The following CEP170 variants were observed in gnomAD, a reference collection of about 807,000 sequenced individuals.
CEP170 encodes centrosomal protein 170.
In CEP170, 21 loss-of-function variants were observed where a neutral mutation model predicts 151.9. That is an observed-to-expected ratio of 0.14 (90% CI 0.10 to 0.20). CEP170 has a LOEUF of 0.20. Among genes scored for constraint, CEP170 ranks in the 10% least tolerant of loss-of-function variants. CEP170 has a pLI of 1.00. For missense variants in CEP170, 964 were observed against 1,892.9 expected (o/e 0.51, Z 9.11); for synonymous variants, 356 against 648.8 (o/e 0.55, Z 6.86).
intron 10 of CEP170, among the ~76,000 whole-genome samples, chr1:243,173,773 C>T (rs1350683326): frequency 6.7e-6 from 1 of 150,044 alleles, no homozygotes; most frequent in African/African-American, 2.5e-5. Context: ...TGTTGTTAAA[C>T]AGTACAACAA....
At chr1:243,209,527 T>G (rs1270633942) in intron 4 of CEP170, among the ~76,000 whole-genome samples, 4 of 152,202 alleles carry the variant, frequency 2.6e-5, no homozygotes, top group Admixed American at 2.0e-4. Flanking sequence ...CTCTCCAAAG[T>G]ATAGCAGTTT....
At position 243,252,832 on chromosome 1, in the gene CEP170, G is replaced by C. The variant is rs75616375; in HGVS notation, c.-42+2208C>G. Among the ~76,000 whole-genome samples the C allele has an allele frequency of 5.9e-5, 9 of 151,904 alleles. No individual in the cohort carries two copies. The South Asian group carries it at 6.2e-4, about 11-fold the overall frequency. On this transcript the variant is annotated intron_variant, in intron 1 of 19. Transcript: ENST00000366542. ...ATTAAAATGCAACGTAAAATTAAAC[G>C]ATTAAAATTATAAGGGAAGAAAAAA...
chr1:243,197,345 T>C (rs1209518565), intron 7 of CEP170, among the ~76,000 whole-genome samples: 1 of 151,710 alleles, frequency 6.6e-6, no homozygotes, highest in Non-Finnish European at 1.5e-5. Context: ...GCATCCACTC[T>C]TTCCTGACAT....
chr1:243,213,349 C>A (rs977077237), intron 3 of CEP170, among the ~76,000 whole-genome samples: 1 of 152,084 alleles, frequency 6.6e-6, no homozygotes. Flanking sequence ...AATCTTTATA[C>A]ATTTTGGGGT....
Position 243,185,815 on chromosome 1 carries a change from G to T in CEP170, c.1530C>A (p.Asn510Lys), listed in dbSNP as rs2059903773. 6.2e-7 allele frequency: 1 copy of T among 1,600,454 alleles called. No individual in the cohort carries two copies. The highest frequency in any genetic ancestry group is 1.1e-5 in the South Asian group (1 of 88,788). Residue 510 changes from asparagine (N) to lysine (K), a missense_variant, in exon 10 of 20, where the codon AAC becomes AAA. By Grantham distance (94) the Asn-to-Lys change is moderately conservative. Coordinates refer to ENST00000366542, the MANE Select transcript of CEP170 (RefSeq NM_014812.3). This position sits in a 1 kb window ranked among gnomAD's most constrained non-coding sequence, Gnocchi z 4.9. ...TTTTTCTTGCTTCCACTTCCTCACT[G>T]TTGGGATTCTCTAACTCAATGGTAT... is the stretch of plus-strand genomic sequence containing the variant. ...GTYTIELENPNSEEVEARKMI... is the reference protein window; with the variant it reads ...GTYTIELENPKSEEVEARKMI...
At chr1:243,167,272 A>G (rs537335815) in intron 12 of CEP170, among the ~76,000 whole-genome samples, 1 of 152,172 alleles carries the variant, frequency 6.6e-6, no homozygotes, top group Non-Finnish European at 1.5e-5. Flanking sequence ...AACATTTTAA[A>G]AAAATCTATA....
At chr1:243,217,287 C>G (rs528001756) in intron 3 of CEP170, among the ~76,000 whole-genome samples, 13 of 152,280 alleles carry the variant, frequency 8.5e-5, no homozygotes, top group African/African-American at 2.9e-4. Context: ...TTACTAATGT[C>G]TGGTAGGCAA....
intron 10 of CEP170, among the ~76,000 whole-genome samples, chr1:243,176,053 C>T (rs1224652388): frequency 4.6e-5 from 7 of 152,196 alleles, no homozygotes; most frequent in Non-Finnish European, 7.4e-5. Context: ...GCCTCAGCCT[C>T]CCAAAGTGCT....
At chr1:243,238,590 T>C (rs528606689) in intron 1 of CEP170, among the ~76,000 whole-genome samples, 4 of 152,228 alleles carry the variant, frequency 2.6e-5, no homozygotes, top group Non-Finnish European at 5.9e-5. Flanking sequence ...CAAAACCTAA[T>C]GGTAGATCAT....
intron 13 of CEP170, among the ~76,000 whole-genome samples, chr1:243,158,983 C>T (rs528081066): frequency 1.3e-5 from 2 of 152,202 alleles, no homozygotes; most frequent in East Asian, 1.9e-4. Context: ...AGGAGAATTA[C>T]GTGAACCCTG....
At position 243,165,709 on chromosome 1, in the gene CEP170, G is replaced by A. The variant is rs747550464; in HGVS notation, c.2251C>T (p.Gln751Ter). ...VKQTLAKLQQ[Q>*]EQREEAQWTP... ...CACTGAGCCTCCTCCCTTTGTTCTT[G>A]TTGTTGAAGTTTTGCTAATGTTTGC... Residue 751 changes from glutamine (Q) to a stop codon, truncating the protein, a stop_gained, in exon 13 of 20, where the codon CAA becomes TAA. Coordinates refer to ENST00000366542, the MANE Select transcript of CEP170 (RefSeq NM_014812.3). LOFTEE classifies it high-confidence loss of function. 6.2e-7 allele frequency: 1 copy of A among 1,614,064 alleles called. No homozygotes were observed. Among genetic ancestry groups the A allele is most frequent in the Non-Finnish European group, 8.5e-7 (1 of 1,179,902 alleles).
At chr1:243,134,000 C>A (rs1029995736) in intron 17 of CEP170, among the ~76,000 whole-genome samples, 1 of 151,892 alleles carries the variant, frequency 6.6e-6, no homozygotes, top group African/African-American at 2.4e-5. Context: ...CAATTTATAC[C>A]TGAAATTAAT....
At chr1:243,197,634 T>C (rs961738735) in intron 7 of CEP170, among the ~76,000 whole-genome samples, 1 of 151,914 alleles carries the variant, frequency 6.6e-6, no homozygotes, top group Non-Finnish European at 1.5e-5. Flanking sequence ...AGGCAGCCTA[T>C]GAGAGTGAGG....
At chr1:243,189,505 G>A (rs763733489) in intron 8 of CEP170, among the ~76,000 whole-genome samples, 5 of 147,556 alleles carry the variant, frequency 3.4e-5, no homozygotes, top group Non-Finnish European at 5.9e-5. Flanking sequence ...GCAGTGAGCC[G>A]AGATCGCGCC....
At chr1:243,247,977 T>C (rs1205919849) in intron 1 of CEP170, among the ~76,000 whole-genome samples, 1 of 152,182 alleles carries the variant, frequency 6.6e-6, no homozygotes, top group Non-Finnish European at 1.5e-5. Context: ...ATTCTTCCTA[T>C]GAAACAGCAT....
intron 1 of CEP170, among the ~76,000 whole-genome samples, chr1:243,230,195 A>T (rs2063614405): frequency 6.9e-6 from 1 of 145,296 alleles, no homozygotes. Flanking sequence ...TATGAAAAAT[A>T]AAAAAAAAAA....
intron 1 of CEP170, among the ~76,000 whole-genome samples, chr1:243,232,062 C>CA (rs1188285717): frequency 6.6e-6 from 1 of 152,122 alleles, no homozygotes; most frequent in Non-Finnish European, 1.5e-5. Context: ...CTCCCAAGCT[C>CA]AAGCTCCAGG....
intron 8 of CEP170, among the ~76,000 whole-genome samples, chr1:243,189,331 T>C (rs886176353): frequency 2.0e-4 from 30 of 151,864 alleles, no homozygotes; most frequent in South Asian, 8.3e-4. Context: ...CTAAGGTGGG[T>C]GGATCACGAG....
chr1:243,166,169 A>C (rs1422665113), intron 12 of CEP170, 53 bp from the exon 13 acceptor site: 1 of 1,576,554 alleles, frequency 6.3e-7, no homozygotes, highest in South Asian at 1.2e-5. Flanking sequence ...TAAAATAAAA[A>C]TAAAAGGAGC....
Sources: gnomAD v4.1 joint callset for allele counts (sites outside exome capture counted in the v4.1 genomes callset) on GRCh38, gnomAD v4.1.1 for gene constraint, Gnocchi (gnomAD v3.1) non-coding constraint, MANE v1.5 for transcripts, NCBI Gene and HGNC (gene_info 2026-07-23, HGNC 2026-07-21) for gene names.